ULK4: variants seen among roughly 807,000 people sequenced by gnomAD.
ULK4 encodes inactive serine/threonine-protein kinase ULK4.
ULK4 carries 133 observed loss-of-function variants against 160.6 expected under a neutral mutation model. The ratio of observed to expected loss-of-function variants is 0.83; its 90% confidence interval spans 0.72 to 0.96. ULK4 has a LOEUF of 0.96. Ranked by LOEUF, ULK4 falls within the 40% of genes least tolerant of loss-of-function variation. The pLI, the probability that ULK4 is intolerant of heterozygous loss-of-function variation, is 0.00. For synonymous variants in ULK4, 534 were observed against 539.8 expected (o/e 0.99, Z 0.15); for missense variants, 1,580 against 1,499.5 (o/e 1.05, Z -0.89).
chr3:41,782,657 C>T (rs1258666964), intron 21 of ULK4, among the ~76,000 whole-genome samples: 5 of 152,042 alleles, frequency 3.3e-5, no homozygotes, highest in African/African-American at 1.2e-4. Flanking sequence ...TTTACTGGCA[C>T]TATAGCTATT....
At chr3:41,372,125 C>A (rs2081381746) in intron 35 of ULK4, among the ~76,000 whole-genome samples, 1 of 151,714 alleles carries the variant, frequency 6.6e-6, no homozygotes, top group African/African-American at 2.4e-5. Flanking sequence ...AACAAAGCCT[C>A]CAAGAAATAT....
rs957196471 is a variant in ULK4 at position 41,908,007 on chromosome 3, T to C, written c.1086-66A>G. On this transcript the variant is annotated intron_variant, in intron 11 of 36. Transcript: ENST00000301831. ...AGTTTATTCTCTGTTTACTGTTTTC[T>C]GGAAGAAAACAAGTCTCATGAAAAA... The C allele has an allele frequency of 1.1e-5, 14 of 1,226,058 alleles. No homozygotes were observed. The African/African-American group carries it at 2.1e-4, about 18-fold the overall frequency. 75.9% of individuals were successfully genotyped at this position (1,226,058 alleles called of 1,614,324 possible).
chr3:41,423,997 G>T (rs905314617), intron 34 of ULK4, among the ~76,000 whole-genome samples: 8 of 152,128 alleles, frequency 5.3e-5, no homozygotes, highest in African/African-American at 1.9e-4. Flanking sequence ...TGTGGGGAGG[G>T]GTGGTCATCA....
intron 32 of ULK4, among the ~76,000 whole-genome samples, chr3:41,563,489 G>A (rs924363706): frequency 7.2e-5 from 11 of 152,132 alleles, no homozygotes; most frequent in Non-Finnish European, 1.5e-4. Flanking sequence ...TCACGTTCAG[G>A]TACACCAATC....
intron 18 of ULK4, among the ~76,000 whole-genome samples, chr3:41,824,927 C>A (rs903690240): frequency 5.9e-5 from 9 of 152,224 alleles, no homozygotes; most frequent in Non-Finnish European, 1.2e-4. Context: ...TAGGGGCAGA[C>A]TGACACCTCA....
At chr3:41,804,099 C>A (rs1247272610) in intron 19 of ULK4, among the ~76,000 whole-genome samples, 1 of 151,838 alleles carries the variant, frequency 6.6e-6, no homozygotes, top group Non-Finnish European at 1.5e-5. Flanking sequence ...TACAGTCCCA[C>A]CAACACTGTA....
At chr3:41,868,969 T>C (rs1696998363) in intron 17 of ULK4, 1 of 152,228 alleles carries the variant, frequency 6.6e-6, no homozygotes, top group Admixed American at 6.5e-5. Context: ...TCCTGACTTA[T>C]TATTCCTGAT....
chr3:41,325,369 A>G (rs2080321437), intron 35 of ULK4, among the ~76,000 whole-genome samples: 1 of 152,188 alleles, frequency 6.6e-6, no homozygotes, highest in Non-Finnish European at 1.5e-5. Flanking sequence ...ACCTAAATAT[A>G]AATACTTCAC....
At chr3:41,305,186 C>CTCTCCCTCTCCCTCTCCCCACGG (rs2079880942) in intron 35 of ULK4, among the ~76,000 whole-genome samples, 1 of 96,798 alleles carries the variant, frequency 1.0e-5, no homozygotes, top group Non-Finnish European at 2.2e-5. Flanking sequence ...TGGAATAGGG[C>CTCTCCCTCTCCCTCTCCCCACGG]TCTCCCTCTC....
At chr3:41,859,714 G>C (rs1005254521) in intron 17 of ULK4, 11 of 359,258 alleles carry the variant, frequency 3.1e-5, no homozygotes, top group African/African-American at 2.4e-4. Flanking sequence ...CTGGAGTGCA[G>C]TGGCACAATC....
At chr3:41,706,532 A>G (rs1241106426) in intron 25 of ULK4, among the ~76,000 whole-genome samples, 1 of 151,122 alleles carries the variant, frequency 6.6e-6, no homozygotes, top group Non-Finnish European at 1.5e-5. Context: ...CACAGTAGAA[A>G]TTGGTCTAAC....
At chr3:41,262,117 A>C (rs1296844075) in intron 35 of ULK4, among the ~76,000 whole-genome samples, 4 of 152,170 alleles carry the variant, frequency 2.6e-5, no homozygotes, top group Non-Finnish European at 2.9e-5. Flanking sequence ...TTCCTGCCCC[A>C]GTCACCATGT....
chr3:41,400,606 A>G (rs536270376), intron 34 of ULK4, among the ~76,000 whole-genome samples: 1 of 152,152 alleles, frequency 6.6e-6, no homozygotes, highest in South Asian at 2.1e-4. Flanking sequence ...CCCAATTTGG[A>G]GCTATTCCAA....
chr3:41,644,166 T>C (rs58859258), intron 30 of ULK4, among the ~76,000 whole-genome samples: 9,331 of 152,230 alleles, frequency 0.061, 966 homozygotes, highest in African/African-American at 0.21. Context: ...CCTTTTTTCC[T>C]AATTGAATAC....
intron 34 of ULK4, among the ~76,000 whole-genome samples, chr3:41,399,360 T>C (rs150115299): frequency 2.0e-5 from 3 of 152,296 alleles, no homozygotes; most frequent in African/African-American, 7.2e-5. Context: ...TGTCTTTATA[T>C]AGTTGAGTTC....
chr3:41,349,591 A>G (rs1034305196), intron 35 of ULK4, among the ~76,000 whole-genome samples: 4 of 152,322 alleles, frequency 2.6e-5, no homozygotes, highest in African/African-American at 4.8e-5. Flanking sequence ...CAGAATTACT[A>G]CGAGTAGTCA....
intron 32 of ULK4, among the ~76,000 whole-genome samples, chr3:41,497,207 G>A (rs369099266): frequency 2.6e-5 from 4 of 152,186 alleles, no homozygotes; most frequent in East Asian, 3.9e-4. Context: ...ATTTTGAAAT[G>A]AAAACATGTA....
intron 32 of ULK4, among the ~76,000 whole-genome samples, chr3:41,480,100 G>A (rs1034542665): frequency 1.3e-4 from 20 of 151,684 alleles, no homozygotes; most frequent in African/African-American, 4.1e-4. Flanking sequence ...CCAGCTACTC[G>A]GGAAGCTGAG....
chr3:41,573,997 A>T (rs113513017), intron 31 of ULK4, among the ~76,000 whole-genome samples: 45 of 152,322 alleles, frequency 3.0e-4, no homozygotes, highest in Middle Eastern at 3.4e-3. Flanking sequence ...AGCCTGACCA[A>T]CATGGTGAAA....
Sources: gnomAD v4.1 joint callset for allele counts (sites outside exome capture counted in the v4.1 genomes callset) on GRCh38, gnomAD v4.1.1 for gene constraint, MANE v1.5 for transcripts, NCBI Gene and HGNC (gene_info 2026-07-23, HGNC 2026-07-21) for gene names.